The following PAIP1 variants were observed in gnomAD, a reference collection of about 807,000 sequenced individuals.
PAIP1 encodes the protein polyadenylate-binding protein-interacting protein 1.
A neutral mutation model predicts 61.3 loss-of-function variants in PAIP1; 16 were observed. The ratio of observed to expected loss-of-function variants is 0.26; its 90% CI spans 0.18 to 0.40. PAIP1 has a LOEUF of 0.40. Ranked by LOEUF, PAIP1 falls within the 10% of genes least tolerant of loss-of-function variation. The pLI is 1.00. For synonymous variants in PAIP1, 187 were observed against 226.2 expected, an observed-to-expected ratio of 0.83 and a Z score of 1.56; for missense variants, 416 against 600.9, an observed-to-expected ratio of 0.69 and a Z score of 3.22.
rs1747491922 is a variant in PAIP1, at chr5:43,543,318, A to G, written c.622-202T>C. On this transcript the variant is annotated intron_variant, in intron 3 of 10. Transcript: ENST00000306846. ...AAGAACCACAATAAGTACAAAAAAAAAAAAAAAAAGAAAAAACCCATCAGT... is the reference window on the plus strand; with the variant it reads ...AAGAACCACAATAAGTACAAAAAAAGAAAAAAAAAGAAAAAACCCATCAGT... 1.3e-5 allele frequency among the ~76,000 whole-genome samples: 2 copies of G among 151,594 alleles called. 1 individual carries two copies. The highest frequency in any genetic ancestry group is 4.2e-4 in the South Asian group (2 of 4,794).
At chr5:43,533,610 A>G (rs1443366415) in intron 9 of PAIP1, 128 bp downstream of exon 9, 1 of 730,788 alleles carries the variant, frequency 1.4e-6, no homozygotes, top group African/African-American at 1.7e-5. Context: ...AAACCATTAC[A>G]CTGGTATTTT....
chr5:43,536,960 A>C lies in PAIP1; in HGVS notation c.847-16T>G. On this transcript the variant is annotated splice_polypyrimidine_tract_variant and intron_variant, in intron 5 of 10. Transcript: ENST00000306846. ...TTCCCTTGATCTTTCGGGACCAAAA[A>C]AAAGAACAAAAGGAATGATGCCAAA... 6.4e-7 allele frequency: 1 copy of C among 1,552,586 alleles called. No homozygotes were observed. The highest frequency in any genetic ancestry group is 1.4e-5 in the African/African-American group (1 of 71,602).
At chr5:43,550,033 T>G (rs1209051816) in intron 2 of PAIP1, among the ~76,000 whole-genome samples, 1 of 152,134 alleles carries the variant, frequency 6.6e-6, no homozygotes, top group Non-Finnish European at 1.5e-5. Context: ...CTATGTATCT[T>G]CAGAGACTGA....
chr5:43,552,581 G>A (rs1262443741), intron 2 of PAIP1, among the ~76,000 whole-genome samples: 7 of 152,190 alleles, frequency 4.6e-5, no homozygotes, highest in African/African-American at 1.7e-4. Context: ...TGCCACAGAA[G>A]CCAAAGAGGT....
chr5:43,540,423 C>T (rs1019741795), intron 4 of PAIP1, among the ~76,000 whole-genome samples: 3 of 151,934 alleles, frequency 2.0e-5, no homozygotes, highest in African/African-American at 7.3e-5. Context: ...ACAGACTGTA[C>T]GTTAGGATAT....
At chr5:43,541,487 G>C (rs1024426420) in intron 4 of PAIP1, among the ~76,000 whole-genome samples, 3 of 149,002 alleles carry the variant, frequency 2.0e-5, no homozygotes, top group Non-Finnish European at 3.0e-5. Flanking sequence ...TGACATATTT[G>C]GGATTTCAGC....
At chr5:43,535,136 A>T (rs1326117578) in intron 7 of PAIP1, among the ~76,000 whole-genome samples, 166 bp from the exon 8 acceptor site, 1 of 152,192 alleles carries the variant, frequency 6.6e-6, no homozygotes, top group African/African-American at 2.4e-5. Flanking sequence ...AAAAAAAAAT[A>T]GCCTTGAATT....
intron 2 of PAIP1, among the ~76,000 whole-genome samples, chr5:43,552,185 T>C (rs1747891932): frequency 6.6e-6 from 1 of 152,180 alleles, no homozygotes; most frequent in Non-Finnish European, 1.5e-5. Context: ...AGAGTGAATA[T>C]AGTCACGACT....
chr5:43,542,322 C>G (rs2112402029), intron 4 of PAIP1, among the ~76,000 whole-genome samples: 1 of 151,916 alleles, frequency 6.6e-6, no homozygotes, highest in South Asian at 2.1e-4. Context: ...CACATGAGAT[C>G]AGGAGTTTGA....
intron 3 of PAIP1, among the ~76,000 whole-genome samples, chr5:43,544,146 T>TAA (rs568177939): frequency 0.019 from 1,372 of 72,684 alleles, 48 homozygotes; most frequent in Non-Finnish European, 0.028. Flanking sequence ...CCCATCTTTT[T>TAA]AAAAAAAAAA....
intron 2 of PAIP1, among the ~76,000 whole-genome samples, chr5:43,551,082 AG>A (rs1446025151): frequency 6.6e-6 from 1 of 152,110 alleles, no homozygotes; most frequent in Non-Finnish European, 1.5e-5. Flanking sequence ...AGGAGATCTT[AG>A]AGGGCTTTGG....
chr5:43,556,695 G>C lies in PAIP1; in HGVS notation c.152C>G (p.Pro51Arg). Residue 51 changes from proline to arginine, a missense_variant, in exon 1 of 11, where the codon CCG (proline) becomes CGG (arginine). Physicochemically the swap from Pro to Arg is moderately radical, Grantham distance 103. Around this residue, in one of 4 missense-constraint regions of PAIP1, gnomAD observed 97 missense variants for 89.5 expected, o/e 1.08. Coordinates refer to ENST00000306846, the MANE Select transcript of PAIP1 (RefSeq NM_006451.5). ...CAGCGGCGGTGGCTGCAGGAAGCCC[G>C]GGGCTTTGGGTTGCGGCGGCTGGTG... ...ARHQPPQPKA[P>R]GFLQPPPLRQ... 7.6e-7 allele frequency: 1 copy of C among 1,309,850 alleles called. No homozygotes were observed. The highest frequency in any genetic ancestry group is 2.3e-5 in the South Asian group (1 of 44,310). The allele number at this position is 1,309,850 out of a possible 1,614,324, so 81.1% of individuals were successfully genotyped here. A position where few individuals can be genotyped will look rare whatever the true frequency, so the allele number is the denominator to read the frequency against.
intron 8 of PAIP1, 73 bp from the exon 9 acceptor site, chr5:43,533,865 T>C (rs1297416921): frequency 1.1e-6 from 1 of 904,452 alleles, no homozygotes; most frequent in Non-Finnish European, 1.9e-6. Context: ...TAATGAAGCA[T>C]GGCTGATGTC....
intron 2 of PAIP1, among the ~76,000 whole-genome samples, chr5:43,554,387 C>T (rs1747983124): frequency 6.6e-6 from 1 of 152,146 alleles, no homozygotes; most frequent in Non-Finnish European, 1.5e-5. Context: ...CTGGCAAGAA[C>T]TCAAGATGCT....
At chr5:43,546,357 T>C (rs919487185) in intron 3 of PAIP1, among the ~76,000 whole-genome samples, 2 of 152,194 alleles carry the variant, frequency 1.3e-5, no homozygotes, top group African/African-American at 4.8e-5. Context: ...AAGAAATAAA[T>C]ACATTTGTTT....
At chr5:43,541,052 A>C (rs769973417) in intron 4 of PAIP1, among the ~76,000 whole-genome samples, 6 of 151,432 alleles carry the variant, frequency 4.0e-5, no homozygotes, top group African/African-American at 7.3e-5. Flanking sequence ...ATGGTTAGAT[A>C]TCTTTTTATA....
intron 1 of PAIP1, 134 bp downstream of exon 1, chr5:43,556,448 G>A: frequency 8.3e-7 from 1 of 1,203,986 alleles, no homozygotes; most frequent in Non-Finnish European, 1.0e-6. Context: ...ACCCGGTCAC[G>A]CGGCCCTCTC....
In PAIP1 at chr5:43,538,960, A is replaced by G. The variant is rs1747279340; in HGVS notation, c.810T>C (p.Phe270=). The G allele has an allele frequency of 6.2e-7, 1 of 1,610,814 alleles. No homozygotes were observed. Among genetic ancestry groups the G allele is most frequent in the African/African-American group, 1.3e-5 (1 of 74,864 alleles). ...DEVTRKRFHA[F]VLFLGELYLN... is the part of the protein sequence containing the mutation. ...GATAAAGTTCTCCCAGAAAGAGTAC[A>G]AATGCATGAAATCGTTTTCGAGTAA... The change falls in exon 5 of 11, where the codon TTT becomes TTC. Residue 270 remains phenylalanine, a synonymous_variant. Coordinates refer to ENST00000306846, the MANE Select transcript of PAIP1 (RefSeq NM_006451.5).
In PAIP1 at chr5:43,555,886, T is replaced by A; in HGVS notation, c.379A>T (p.Lys127Ter). The change falls in exon 2 of 11, where the codon AAG becomes TAG. Residue 127 changes from lysine (K) to a stop codon, truncating the protein, a stop_gained. Transcript: ENST00000306846. LOFTEE classifies it high-confidence loss of function. ...AATTCAGGGGCATTCACAGACAGCT[T>A]AGACATTAATACAGGAGCTACAACC... ...QVVVAPVLMSKLSVNAPEFYP... is the reference protein window; with the variant it reads ...QVVVAPVLMS 1 of 1,613,774 alleles carries A rather than the reference T, an allele frequency of 6.2e-7. No individual in the cohort carries two copies. The highest frequency in any genetic ancestry group is 8.5e-7 in the Non-Finnish European group (1 of 1,179,892).
Sources: gnomAD v4.1 joint callset for allele counts (sites outside exome capture counted in the v4.1 genomes callset) on GRCh38, gnomAD v4.1.1 for gene constraint, gnomAD v4.1.1 regional missense constraint, MANE v1.5 for transcripts, NCBI Gene and HGNC (gene_info 2026-07-23, HGNC 2026-07-21) for gene names.